Variants in TAMM41 observed in about 807,000 individuals in gnomAD.
TAMM41 encodes the protein TAM41 mitochondrial translocator assembly and maintenance homolog, also known as phosphatidate cytidylyltransferase, mitochondrial.
TAMM41 carries 36 observed loss-of-function variants against 44.1 expected under a neutral mutation model. The observed-to-expected ratio is 0.82, with a 90% CI of 0.63 to 1.08. The LOEUF is 1.08. Among genes scored for constraint, TAMM41 ranks in the 50% least tolerant of loss-of-function variants. The probability of loss-of-function intolerance (pLI) is 0.00; values close to 1 mark genes in which losing one functional copy is unlikely to be tolerated. For missense variants in TAMM41, 417 were observed against 404.3 expected, an observed-to-expected ratio of 1.03 and a Z score of -0.27; for synonymous variants, 164 against 153.1, an observed-to-expected ratio of 1.07 and a Z score of -0.53.
chr3:11,724,004 G>A, the TAMM41 span, among the ~76,000 whole-genome samples: 2 of 151,798 alleles, frequency 1.3e-5, no homozygotes, highest in Non-Finnish European at 2.9e-5. Flanking sequence ...TGGGGGATGG[G>A]GGGGGGTGAC....
intron 1 of TAMM41, among the ~76,000 whole-genome samples, 184 bp downstream of exon 1, chr3:11,846,318 T>C (rs1575742118): frequency 6.6e-6 from 1 of 152,238 alleles, no homozygotes; most frequent in Non-Finnish European, 1.5e-5. Context: ...CTAAGTATCC[T>C]TCAACACCGT....
the TAMM41 span, among the ~76,000 whole-genome samples, chr3:11,760,446 T>C: frequency 6.6e-6 from 1 of 152,226 alleles, no homozygotes; most frequent in African/African-American, 2.4e-5. Context: ...TTCTAATTTC[T>C]TCCAATTTTA....
the TAMM41 span, among the ~76,000 whole-genome samples, chr3:11,740,801 G>A: frequency 0.015 from 2,182 of 143,088 alleles, 49 homozygotes; most frequent in African/African-American, 0.057. Context: ...CCTGACCTCA[G>A]GTGATCCGGC....
chr3:11,756,747 C>G, the TAMM41 span, among the ~76,000 whole-genome samples: 1 of 152,040 alleles, frequency 6.6e-6, no homozygotes, highest in African/African-American at 2.4e-5. Flanking sequence ...TGCCTGTAAT[C>G]CCAGTTACTT....
At chr3:11,761,639 G>A in the TAMM41 span, among the ~76,000 whole-genome samples, 1 of 152,022 alleles carries the variant, frequency 6.6e-6, no homozygotes, top group Non-Finnish European at 1.5e-5. Flanking sequence ...GTGCATGTGC[G>A]TATTTGAATA....
chr3:11,813,926 A>ATG, intron 5 of TAMM41, among the ~76,000 whole-genome samples: 1 of 149,920 alleles, frequency 6.7e-6, no homozygotes, highest in South Asian at 2.1e-4. Context: ...ATATGTATAT[A>ATG]TGTGTGTATA....
At chr3:11,772,646 C>T in the TAMM41 span, among the ~76,000 whole-genome samples, 3 of 152,126 alleles carry the variant, frequency 2.0e-5, no homozygotes, top group African/African-American at 7.2e-5. Context: ...GTCATAAACA[C>T]ATGAGTGCAT....
the TAMM41 span, among the ~76,000 whole-genome samples, chr3:11,747,757 C>A: frequency 7.3e-5 from 11 of 151,600 alleles, no homozygotes; most frequent in African/African-American, 1.7e-4. Context: ...CAGAATGAGA[C>A]CCTGTCTCAA....
the TAMM41 span, among the ~76,000 whole-genome samples, chr3:11,744,011 C>G: frequency 6.6e-6 from 1 of 152,144 alleles, no homozygotes; most frequent in African/African-American, 2.4e-5. Flanking sequence ...ATTATGGTTG[C>G]CTTCTCACTC....
At chr3:11,746,759 C>T in the TAMM41 span, among the ~76,000 whole-genome samples, 4 of 152,042 alleles carry the variant, frequency 2.6e-5, no homozygotes, top group African/African-American at 7.3e-5. Flanking sequence ...CTCAGCCTCC[C>T]GAGTAGCCGG....
chr3:11,804,190 T>C (rs560938666), intron 7 of TAMM41, among the ~76,000 whole-genome samples: 1 of 152,290 alleles, frequency 6.6e-6, no homozygotes, highest in Admixed American at 6.5e-5. Flanking sequence ...TGCCCTCTGC[T>C]GGTGAGTAGA....
the TAMM41 span, among the ~76,000 whole-genome samples, chr3:11,748,015 C>T: frequency 0.29 from 44,362 of 150,558 alleles, 7,071 homozygotes; most frequent in Non-Finnish European, 0.35. Context: ...GCTGGGACTA[C>T]AGGCGCACAC....
intron 4 of TAMM41, among the ~76,000 whole-genome samples, chr3:11,826,468 G>A (rs1270680493): frequency 7.1e-6 from 1 of 141,414 alleles, no homozygotes; most frequent in African/African-American, 2.7e-5. Context: ...GGTCGAGGCT[G>A]CAGTGAGCTA....
intron 6 of TAMM41, chr3:11,808,417 G>A: frequency 1.0e-6 from 1 of 985,124 alleles, no homozygotes; most frequent in Non-Finnish European, 1.2e-6. Context: ...GCTATCTTCA[G>A]GATGGGGAGC....
At chr3:11,813,991 TACACACACACACAC>T (rs35804902) in intron 5 of TAMM41, among the ~76,000 whole-genome samples, 6 of 145,864 alleles carry the variant, frequency 4.1e-5, no homozygotes, top group East Asian at 2.0e-4. Flanking sequence ...CACCTGTGTA[TACACACACACACAC>T]ACACACACAC....
chr3:11,800,501 G>A (rs2077720942), intron 7 of TAMM41, among the ~76,000 whole-genome samples: 1 of 144,506 alleles, frequency 6.9e-6, no homozygotes, highest in Non-Finnish European at 1.5e-5. Context: ...ATCAAAAGGA[G>A]AACTATATAT....
the TAMM41 span, among the ~76,000 whole-genome samples, chr3:11,737,015 A>G: frequency 6.6e-6 from 1 of 152,062 alleles, no homozygotes; most frequent in African/African-American, 2.4e-5. Context: ...GTGCAGGGAG[A>G]GTCAGGAGTC....
At chr3:11,743,962 A>C in the TAMM41 span, among the ~76,000 whole-genome samples, 1 of 152,190 alleles carries the variant, frequency 6.6e-6, no homozygotes, top group Non-Finnish European at 1.5e-5. Context: ...TTTATCATTG[A>C]TGAGATAAGA....
At chr3:11,759,834 C>T in the TAMM41 span, among the ~76,000 whole-genome samples, 8 of 151,892 alleles carry the variant, frequency 5.3e-5, no homozygotes, top group Non-Finnish European at 8.8e-5. Context: ...ATTAGCTGGG[C>T]GTGGTGGCAC....
Sources: gnomAD v4.1 joint callset for allele counts (sites outside exome capture counted in the v4.1 genomes callset) on GRCh38, gnomAD v4.1.1 for gene constraint, MANE v1.5 for transcripts, NCBI Gene and HGNC (gene_info 2026-07-23, HGNC 2026-07-21) for gene names.